SORCS3: variants seen among roughly 807,000 people sequenced by gnomAD.
SORCS3 encodes the protein sortilin related VPS10 domain containing receptor 3.
In SORCS3, 57 loss-of-function variants were observed where a neutral mutation model predicts 146.3. That is an observed-to-expected ratio of 0.39 (90% CI 0.31 to 0.49). The LOEUF is 0.49. Among genes scored for constraint, SORCS3 ranks in the 20% least tolerant of loss-of-function variants. The pLI, the probability that SORCS3 is intolerant of heterozygous loss-of-function variation, is 0.92. For missense variants in SORCS3, 1,341 were observed against 1,575.5 expected (o/e 0.85, Z 2.52); for synonymous variants, 653 against 618.5 (o/e 1.06, Z -0.83).
chr10:105,157,381 C>T, intron 10 of SORCS3, 97 bp downstream of exon 10: 1 of 1,427,480 alleles, frequency 7.0e-7, no homozygotes, highest in Non-Finnish European at 9.5e-7. Flanking sequence ...CTTAGGAACT[C>T]AGGTGGTGCA....
chr10:105,061,612 C>A (rs1286151597), intron 5 of SORCS3, among the ~76,000 whole-genome samples: 2 of 147,972 alleles, frequency 1.4e-5, no homozygotes, highest in East Asian at 2.0e-4. Flanking sequence ...TTTAAATAGA[C>A]CTCCAAATAG....
chr10:105,023,323 C>T (rs781630052), intron 4 of SORCS3, among the ~76,000 whole-genome samples: 4 of 151,990 alleles, frequency 2.6e-5, no homozygotes, highest in Non-Finnish European at 4.4e-5. Flanking sequence ...TTTTTTAATC[C>T]CCCAATTCCT....
chr10:105,112,960 A>G (rs988617984), intron 7 of SORCS3, among the ~76,000 whole-genome samples: 3 of 152,180 alleles, frequency 2.0e-5, no homozygotes, highest in Non-Finnish European at 4.4e-5. Flanking sequence ...AAGAAGAAAC[A>G]ACCTCACAAA....
At chr10:105,190,769 G>T (rs769904972) in intron 14 of SORCS3, among the ~76,000 whole-genome samples, 8 of 152,086 alleles carry the variant, frequency 5.3e-5, no homozygotes, top group Non-Finnish European at 1.0e-4. Context: ...AGTCTTATGG[G>T]TATGGATCAT....
At chr10:105,024,262 G>C (rs1231000303) in intron 4 of SORCS3, among the ~76,000 whole-genome samples, 1 of 152,068 alleles carries the variant, frequency 6.6e-6, no homozygotes, top group African/African-American at 2.4e-5. Context: ...GTGCTTTTGT[G>C]AGTGTCCTTA....
At chr10:104,874,444 T>C (rs1003002834) in intron 2 of SORCS3, among the ~76,000 whole-genome samples, 1 of 152,186 alleles carries the variant, frequency 6.6e-6, no homozygotes, top group Non-Finnish European at 1.5e-5. Context: ...TATTGCCCTC[T>C]GCATTGTGTA....
chr10:105,007,923 TG>T (rs1317550486), intron 4 of SORCS3, among the ~76,000 whole-genome samples: 1 of 152,150 alleles, frequency 6.6e-6, no homozygotes, highest in East Asian at 1.9e-4. Flanking sequence ...AAGTCCCCTC[TG>T]GGCTGTATAA....
At chr10:104,661,562 A>G (rs764584791) in intron 1 of SORCS3, among the ~76,000 whole-genome samples, 42 of 152,158 alleles carry the variant, frequency 2.8e-4, no homozygotes, top group Non-Finnish European at 5.3e-4. Flanking sequence ...AGCCTTTTTA[A>G]GAGGAGACTT....
At chr10:105,026,853 G>T (rs1444811286) in intron 4 of SORCS3, among the ~76,000 whole-genome samples, 1 of 152,114 alleles carries the variant, frequency 6.6e-6, no homozygotes, top group African/African-American at 2.4e-5. Context: ...GGGGACCAAG[G>T]GGTGAAAAAC....
intron 3 of SORCS3, among the ~76,000 whole-genome samples, chr10:104,965,185 A>T (rs944007572): frequency 6.6e-6 from 1 of 152,152 alleles, no homozygotes; most frequent in Non-Finnish European, 1.5e-5. Context: ...GGGTGAACGT[A>T]TCTCTCTTTG....
intron 2 of SORCS3, among the ~76,000 whole-genome samples, chr10:104,900,996 G>A (rs2018845858): frequency 6.6e-6 from 1 of 152,124 alleles, no homozygotes; most frequent in African/African-American, 2.4e-5. Context: ...AAGCCTTTGA[G>A]CATACTCTTT....
intron 13 of SORCS3, 150 bp downstream of exon 13, chr10:105,167,499 C>A: frequency 1.7e-6 from 1 of 604,106 alleles, no homozygotes; most frequent in Non-Finnish European, 2.9e-6. Flanking sequence ...GCCTTTACAT[C>A]ATCTAACTCA....
At chr10:105,171,487 T>C (rs1369544820) in intron 13 of SORCS3, among the ~76,000 whole-genome samples, 1 of 152,190 alleles carries the variant, frequency 6.6e-6, no homozygotes, top group African/African-American at 2.4e-5. Context: ...GCTGTCAGTG[T>C]CTCTCAATGG....
chr10:104,920,638 G>A (rs1176683623), intron 3 of SORCS3, among the ~76,000 whole-genome samples: 1 of 152,156 alleles, frequency 6.6e-6, no homozygotes, highest in Non-Finnish European at 1.5e-5. Context: ...GGTTTATTTT[G>A]AGGACAAATT....
At chr10:105,003,683 C>T (rs79411599) in intron 4 of SORCS3, among the ~76,000 whole-genome samples, 1,763 of 152,260 alleles carry the variant, frequency 0.012, 27 homozygotes, top group African/African-American at 0.04. Flanking sequence ...CTAGCAGGAG[C>T]GTGTTGAAGC....
chr10:105,228,775 A>G (rs2056749716), intron 20 of SORCS3, among the ~76,000 whole-genome samples: 2 of 152,042 alleles, frequency 1.3e-5, no homozygotes, highest in Admixed American at 6.6e-5. Flanking sequence ...TATTTTTTGA[A>G]TTCTGTATTT....
intron 20 of SORCS3, among the ~76,000 whole-genome samples, chr10:105,232,204 A>T (rs2056769528): frequency 6.6e-6 from 1 of 152,142 alleles, no homozygotes; most frequent in Admixed American, 6.5e-5. Context: ...TTAATTACTG[A>T]TTCAATTTAT....
intron 2 of SORCS3, among the ~76,000 whole-genome samples, chr10:104,900,921 A>G (rs958897472): frequency 1.7e-4 from 25 of 151,430 alleles, no homozygotes; most frequent in Non-Finnish European, 3.4e-4. Flanking sequence ...GCGGGGAAAG[A>G]ACATTTTATT....
intron 4 of SORCS3, among the ~76,000 whole-genome samples, chr10:105,016,860 C>T (rs1221986631): frequency 6.6e-6 from 1 of 152,080 alleles, no homozygotes; most frequent in Non-Finnish European, 1.5e-5. Flanking sequence ...ATAAATGTTA[C>T]TCTGAGCTGA....
Sources: allele counts gnomAD v4.1 joint callset (sites outside exome capture counted in the v4.1 genomes callset), GRCh38; gene constraint gnomAD v4.1.1; transcripts MANE v1.5; gene names NCBI Gene and HGNC (gene_info 2026-07-23, HGNC 2026-07-21).